The following SH3RF1 variants were observed in gnomAD, a reference collection of about 807,000 sequenced individuals.
SH3RF1 encodes the protein E3 ubiquitin-protein ligase SH3RF1.
A neutral mutation model predicts 74.0 loss-of-function variants in SH3RF1; 32 were observed. That is an observed-to-expected ratio of 0.43 (90% CI 0.33 to 0.58). SH3RF1 has a LOEUF of 0.58. Among genes scored for constraint, SH3RF1 ranks in the 20% least tolerant of loss-of-function variants. SH3RF1 has a pLI of 0.05. For synonymous variants in SH3RF1, 396 were observed against 439.6 expected, an observed-to-expected ratio of 0.90 and a Z score of 1.24; for missense variants, 954 against 1,130.9, an observed-to-expected ratio of 0.84 and a Z score of 2.24.
chr4:169,205,488 A>G (rs1174503631), intron 2 of SH3RF1, among the ~76,000 whole-genome samples: 3 of 152,222 alleles, frequency 2.0e-5, no homozygotes, highest in African/African-American at 7.2e-5. Flanking sequence ...TCAAATCACC[A>G]AAAACTGCAG....
At chr4:169,259,424 A>G (rs1035576430) in intron 2 of SH3RF1, among the ~76,000 whole-genome samples, 2 of 152,082 alleles carry the variant, frequency 1.3e-5, no homozygotes, top group Non-Finnish European at 2.9e-5. Context: ...CCACTCACAC[A>G]TCTATCTTTA....
chr4:169,208,608 CTG>C (rs1044392058), intron 2 of SH3RF1, among the ~76,000 whole-genome samples: 4 of 152,164 alleles, frequency 2.6e-5, no homozygotes, highest in African/African-American at 9.7e-5. Flanking sequence ...CAATTTCACT[CTG>C]TCTTAGTGCC....
intron 2 of SH3RF1, among the ~76,000 whole-genome samples, chr4:169,179,705 T>G (rs565913072): frequency 1.3e-5 from 2 of 152,288 alleles, no homozygotes; most frequent in East Asian, 3.9e-4. Context: ...TGCGCAAACT[T>G]TGAGTAAGTT....
chr4:169,127,002 G>A (rs1309232882), intron 6 of SH3RF1, among the ~76,000 whole-genome samples: 2 of 152,150 alleles, frequency 1.3e-5, no homozygotes, highest in African/African-American at 4.8e-5. Flanking sequence ...CTCTTGGCTG[G>A]TCCAGAGGAT....
At chr4:169,145,586 T>C (rs1441017007) in intron 4 of SH3RF1, among the ~76,000 whole-genome samples, 1 of 147,810 alleles carries the variant, frequency 6.8e-6, no homozygotes, top group East Asian at 1.9e-4. Context: ...TTATATATCA[T>C]ATATAATAAT....
intron 1 of SH3RF1, 38 bp from the exon 2 acceptor site, chr4:169,269,345 G>T: frequency 1.1e-6 from 1 of 952,294 alleles, no homozygotes; most frequent in Non-Finnish European, 1.5e-6. Flanking sequence ...GAGAACATGA[G>T]TGTTGTTATC....
At chr4:169,143,352 T>C (rs1345185584) in intron 4 of SH3RF1, among the ~76,000 whole-genome samples, 2 of 152,202 alleles carry the variant, frequency 1.3e-5, no homozygotes, top group African/African-American at 4.8e-5. Flanking sequence ...TTTTTTGTAC[T>C]ATGTCTTTGA....
intron 4 of SH3RF1, among the ~76,000 whole-genome samples, chr4:169,143,687 C>G (rs930755250): frequency 6.6e-6 from 1 of 152,140 alleles, no homozygotes; most frequent in Non-Finnish European, 1.5e-5. Context: ...AACACGGACT[C>G]CTAATACAAG....
intron 2 of SH3RF1, among the ~76,000 whole-genome samples, chr4:169,178,368 A>ACC: frequency 6.6e-6 from 1 of 151,280 alleles, no homozygotes; most frequent in African/African-American, 2.4e-5. Flanking sequence ...AAAAATAAGC[A>ACC]TTGTTATGTT....
At chr4:169,222,224 G>C (rs781227695) in intron 2 of SH3RF1, among the ~76,000 whole-genome samples, 1 of 152,304 alleles carries the variant, frequency 6.6e-6, no homozygotes, top group South Asian at 2.1e-4. Context: ...AGCACTTTGG[G>C]AGGCCGAGGC....
Position 169,249,859 on chromosome 4 carries a change from GATTAT to G in SH3RF1, c.393+18956_393+18960del, listed in dbSNP as rs1359784483. On this transcript the variant is annotated intron_variant, in intron 2 of 11. Transcript: ENST00000284637. Reference sequence around the variant, plus strand: ...TTGTACATATAACCCATACAGCAATGATTATATTAGAAAAAGGAAATTCATCTCTG... The same window carrying G: ...TTGTACATATAACCCATACAGCAATGATTAGAAAAAGGAAATTCATCTCTG... Among the ~76,000 whole-genome samples the G allele has an allele frequency of 3.3e-5, 5 of 152,200 alleles. No individual in the cohort carries two copies. The East Asian group carries it at 9.7e-4, about 29-fold the overall frequency.
chr4:169,233,694 C>T (rs1440405220), intron 2 of SH3RF1, among the ~76,000 whole-genome samples: 1 of 152,202 alleles, frequency 6.6e-6, no homozygotes, highest in African/African-American at 2.4e-5. Context: ...GACTGATTTT[C>T]TTCATTGCCT....
chr4:169,115,972 AAGG>A (rs1338546421), intron 10 of SH3RF1, among the ~76,000 whole-genome samples: 1 of 152,224 alleles, frequency 6.6e-6, no homozygotes, highest in Non-Finnish European at 1.5e-5. Flanking sequence ...TAAGCTGCAC[AAGG>A]AGGAGTGACT....
At chr4:169,211,584 G>C (rs906589062) in intron 2 of SH3RF1, among the ~76,000 whole-genome samples, 5 of 151,920 alleles carry the variant, frequency 3.3e-5, no homozygotes, top group Non-Finnish European at 5.9e-5. Context: ...AATAGCACTT[G>C]TCTACTATGA....
At chr4:169,233,247 T>TA (rs1730771895) in intron 2 of SH3RF1, among the ~76,000 whole-genome samples, 1 of 38,878 alleles carries the variant, frequency 2.6e-5, no homozygotes, top group African/African-American at 9.2e-5. Flanking sequence ...AGACTCCATC[T>TA]CAAAAAAAAA....
At chr4:169,133,427 A>G (rs529481992) in intron 5 of SH3RF1, among the ~76,000 whole-genome samples, 1 of 151,410 alleles carries the variant, frequency 6.6e-6, no homozygotes, top group Non-Finnish European at 1.5e-5. Flanking sequence ...GTGAGCCAAG[A>G]TTGTGCCACT....
chr4:169,107,512 T>A (rs1440802897), intron 10 of SH3RF1, among the ~76,000 whole-genome samples: 2 of 152,162 alleles, frequency 1.3e-5, no homozygotes, highest in African/African-American at 2.4e-5. Flanking sequence ...TCCGTTGAAG[T>A]AGGATAAACC....
At chr4:169,183,872 GA>G (rs1734556908) in intron 2 of SH3RF1, among the ~76,000 whole-genome samples, 1 of 152,162 alleles carries the variant, frequency 6.6e-6, no homozygotes, top group African/African-American at 2.4e-5. Flanking sequence ...AGAAATGTAG[GA>G]AAGAGACTTT....
At chr4:169,167,398 T>C (rs1734265392) in intron 2 of SH3RF1, among the ~76,000 whole-genome samples, 1 of 152,198 alleles carries the variant, frequency 6.6e-6, no homozygotes, top group Admixed American at 6.5e-5. Flanking sequence ...AAAATTCTTA[T>C]AAAGTTATAT....
Sources: allele counts gnomAD v4.1 joint callset (sites outside exome capture counted in the v4.1 genomes callset), GRCh38; gene constraint gnomAD v4.1.1; transcripts MANE v1.5; gene names NCBI Gene and HGNC (gene_info 2026-07-23, HGNC 2026-07-21).